TTLL11: variants seen among roughly 807,000 people sequenced by gnomAD.
The protein encoded by TTLL11 is tubulin tyrosine ligase like 11.
Under a neutral mutation model 51.7 loss-of-function variants are expected in TTLL11, and 42 were observed. The observed-to-expected ratio is 0.81, with a 90% CI of 0.64 to 1.05. The LOEUF is 1.05. TTLL11 is among the 50% of genes least tolerant of loss of function. The pLI, the probability that TTLL11 is intolerant of heterozygous loss-of-function variation, is 0.00. For missense variants in TTLL11, 799 were observed against 940.4 expected, an observed-to-expected ratio of 0.85 and a Z score of 1.97; for synonymous variants, 381 against 383.5, an observed-to-expected ratio of 0.99 and a Z score of 0.08.
intron 6 of TTLL11, among the ~76,000 whole-genome samples, chr9:121,944,102 T>G (rs546810037): frequency 6.6e-6 from 1 of 152,200 alleles, no homozygotes; most frequent in Non-Finnish European, 1.5e-5. Context: ...ATTAACAAAA[T>G]GATAAAAATA....
intron 6 of TTLL11, among the ~76,000 whole-genome samples, chr9:121,882,272 G>C (rs1338472540): frequency 6.6e-6 from 1 of 152,134 alleles, no homozygotes; most frequent in Non-Finnish European, 1.5e-5. Context: ...TCCACCCCTA[G>C]AAGACTGTAG....
rs1554792843 is a variant in TTLL11 at position 122,080,527 on chromosome 9, A to AT, written c.462+12159_462+12160insA. On this transcript the variant is annotated intron_variant, in intron 1 of 8. Coordinates refer to ENST00000321582, the MANE Select transcript of TTLL11 (RefSeq NM_001139442.2). ...TGGAAACCCCATCTCTACAAAAAAA[A>AT]ATATATATATACAAAAATTAGCTGG... 2.8e-3 allele frequency among the ~76,000 whole-genome samples: 422 copies of AT among 151,780 alleles called. 7 individuals are homozygous for AT. Among genetic ancestry groups the AT allele is most frequent in the African/African-American group, 7.8e-3 (323 of 41,316 alleles).
In TTLL11 at chr9:121,906,168, T is replaced by A; in HGVS notation, c.1482-35420A>T. On this transcript the variant is annotated intron_variant, in intron 6 of 8. Transcript: ENST00000321582. ...CTTTCCTAATAACAGGAAATTGTCA[T>A]GAAGATTTGTATCTCTAATTATTTT... 1.3e-5 allele frequency among the ~76,000 whole-genome samples: 2 copies of A among 152,192 alleles called. 1 individual carries two copies.
intron 6 of TTLL11, among the ~76,000 whole-genome samples, chr9:121,887,336 C>T (rs1021111868): frequency 5.3e-5 from 8 of 152,104 alleles, no homozygotes; most frequent in Non-Finnish European, 7.4e-5. Flanking sequence ...GTGGAGGTAG[C>T]GGTGGCGATT....
chr9:121,870,427 C>A, intron 7 of TTLL11, 70 bp downstream of exon 7: 3 of 1,497,318 alleles, frequency 2.0e-6, no homozygotes, highest in Non-Finnish European at 2.7e-6. Flanking sequence ...CAGGGAGACC[C>A]GCCAGCCAGA....
intron 2 of TTLL11, among the ~76,000 whole-genome samples, chr9:122,035,445 T>C (rs1844676459): frequency 6.6e-6 from 1 of 152,226 alleles, no homozygotes; most frequent in South Asian, 2.1e-4. Flanking sequence ...TCTCACCCCA[T>C]TCAAGTTAAC....
At chr9:121,937,187 C>T (rs867172154) in intron 6 of TTLL11, among the ~76,000 whole-genome samples, 1 of 152,132 alleles carries the variant, frequency 6.6e-6, no homozygotes, top group African/African-American at 2.4e-5. Context: ...TCTCGTAAAG[C>T]AATTGTGAGG....
At chr9:121,906,255 T>C (rs1839941438) in intron 6 of TTLL11, among the ~76,000 whole-genome samples, 1 of 152,146 alleles carries the variant, frequency 6.6e-6, no homozygotes, top group Admixed American at 6.5e-5. Context: ...ACAGCCAGAA[T>C]TGGAAACAGT....
chr9:121,863,399 G>A (rs1268575433), intron 7 of TTLL11, among the ~76,000 whole-genome samples: 2 of 152,174 alleles, frequency 1.3e-5, no homozygotes, highest in African/African-American at 4.8e-5. Context: ...AGTCAGGAGC[G>A]CTGCCTAGCT....
intron 1 of TTLL11, among the ~76,000 whole-genome samples, chr9:122,046,505 TG>T (rs1845008205): frequency 2.0e-5 from 3 of 152,296 alleles, no homozygotes; most frequent in African/African-American, 7.2e-5. Context: ...GGGCCATTTG[TG>T]GCTCTACTCT....
chr9:121,894,185 C>G (rs1246996846), intron 6 of TTLL11, among the ~76,000 whole-genome samples: 6 of 152,188 alleles, frequency 3.9e-5, no homozygotes, highest in Non-Finnish European at 8.8e-5. Flanking sequence ...AGCCTACAGC[C>G]TGGTGCAGGA....
Position 121,819,642 on chromosome 9 carries a change from G to A in TTLL11, c.*2945C>T, listed in dbSNP as rs1361919549. ...AGAGAGCGGGAGGGAGAAGACGCTG[G>A]AGATGGATCCTGAGGGCGCTTGCAG... On this transcript the variant is annotated 3_prime_UTR_variant, in exon 9 of 9. Transcript: ENST00000321582. Among the ~76,000 whole-genome samples the A allele has an allele frequency of 2.0e-5, 3 of 152,172 alleles. No homozygotes were observed. Among genetic ancestry groups the A allele is most frequent in the Non-Finnish European group, 2.9e-5 (2 of 68,014 alleles).
At chr9:122,010,792 C>G (rs763789862) in intron 3 of TTLL11, among the ~76,000 whole-genome samples, 4 of 152,194 alleles carry the variant, frequency 2.6e-5, no homozygotes, top group African/African-American at 9.7e-5. Context: ...GCCAAAATGT[C>G]CTCAAAATCA....
chr9:122,078,702 C>T (rs529749907), intron 1 of TTLL11, among the ~76,000 whole-genome samples: 1 of 152,128 alleles, frequency 6.6e-6, no homozygotes, highest in African/African-American at 2.4e-5. Context: ...GTATTATGCC[C>T]ATTTTACAGA....
chr9:121,818,271 T>C lies in TTLL11; in HGVS notation c.*4316A>G, dbSNP rs536127754. 2.0e-5 allele frequency: 3 copies of C among 152,436 alleles called. No individual in the cohort carries two copies. The highest frequency in any genetic ancestry group is 2.0e-4 in the Admixed American group (3 of 15,300). The allele number at this position is 152,436 out of a possible 1,614,324, so 9.4% of individuals were successfully genotyped here. A position where few individuals can be genotyped will look rare whatever the true frequency, so the allele number is the denominator to read the frequency against. On this transcript the variant is annotated 3_prime_UTR_variant, in exon 9 of 9. Transcript: ENST00000321582. ...CTAGAGTCGGAGGAGCTATTATCTG[T>C]TTACGGACACAGGACAGCTGCCGTG...
intron 7 of TTLL11, among the ~76,000 whole-genome samples, chr9:121,861,241 T>G (rs967998947): frequency 6.6e-6 from 1 of 152,066 alleles, no homozygotes; most frequent in Non-Finnish European, 1.5e-5. Context: ...GGTACCCAGC[T>G]AATTTTTATA....
chr9:122,006,662 C>T (rs1287161012), intron 3 of TTLL11, among the ~76,000 whole-genome samples: 1 of 152,144 alleles, frequency 6.6e-6, no homozygotes, highest in East Asian at 1.9e-4. Flanking sequence ...AAAGCATTTA[C>T]TTATTGAATT....
chr9:121,852,771 C>A (rs1322174572), intron 8 of TTLL11, among the ~76,000 whole-genome samples: 1 of 152,142 alleles, frequency 6.6e-6, no homozygotes, highest in Non-Finnish European at 1.5e-5. Context: ...TGCTGGCTCT[C>A]TTGCTTTTAT....
At chr9:121,885,318 T>G (rs1355108554) in intron 6 of TTLL11, 12 of 152,240 alleles carry the variant, frequency 7.9e-5, no homozygotes, top group Non-Finnish European at 4.4e-5. Context: ...CTCAGCCTGG[T>G]TTCTGGGGAC....
Sources: gnomAD v4.1 joint callset for allele counts (sites outside exome capture counted in the v4.1 genomes callset) on GRCh38, gnomAD v4.1.1 for gene constraint, MANE v1.5 for transcripts, NCBI Gene and HGNC (gene_info 2026-07-23, HGNC 2026-07-21) for gene names.